Variants in CDH13 observed in about 807,000 individuals in gnomAD.
The protein encoded by CDH13 is cadherin 13, also known as cadherin-13.
Under a neutral mutation model 63.8 loss-of-function variants are expected in CDH13, and 24 were observed. That is an observed-to-expected ratio of 0.38 (90% CI 0.27 to 0.53). CDH13 has a LOEUF of 0.53. CDH13 is among the 20% of genes least tolerant of loss of function. The pLI is 0.85. For synonymous variants in CDH13, 503 were observed against 355.3 expected (o/e 1.42, Z -4.67); for missense variants, 1,049 against 903.1 (o/e 1.16, Z -2.07).
At chr16:82,899,002 C>T (rs1173859142) in intron 2 of CDH13, among the ~76,000 whole-genome samples, 2 of 152,194 alleles carry the variant, frequency 1.3e-5, no homozygotes. Context: ...CCCAAGAGGA[C>T]CAGCATTCAG....
chr16:82,923,870 A>C (rs1450144914), intron 2 of CDH13, among the ~76,000 whole-genome samples: 2 of 152,194 alleles, frequency 1.3e-5, no homozygotes, highest in Non-Finnish European at 1.5e-5. Flanking sequence ...CTAGGTTGGG[A>C]ATTGGGATCC....
intron 4 of CDH13, among the ~76,000 whole-genome samples, chr16:83,209,083 G>C (rs1401462136): frequency 6.6e-6 from 1 of 152,128 alleles, no homozygotes; most frequent in Non-Finnish European, 1.5e-5. Flanking sequence ...AGGAGACCTG[G>C]AGCCAGCGAT....
At chr16:83,400,535 T>C (rs1474085101) in intron 6 of CDH13, among the ~76,000 whole-genome samples, 1 of 152,208 alleles carries the variant, frequency 6.6e-6, no homozygotes, top group Non-Finnish European at 1.5e-5. Flanking sequence ...CCCAATGCTT[T>C]CAAGACATAG....
At chr16:83,589,767 A>G (rs1906556006) in intron 7 of CDH13, among the ~76,000 whole-genome samples, 1 of 152,090 alleles carries the variant, frequency 6.6e-6, no homozygotes, top group Non-Finnish European at 1.5e-5. Context: ...CTCAACCAAG[A>G]GAGAAACACT....
At chr16:82,971,923 G>C (rs1204749321) in intron 2 of CDH13, among the ~76,000 whole-genome samples, 1 of 152,188 alleles carries the variant, frequency 6.6e-6, no homozygotes. Context: ...GCTCAGAGGA[G>C]GATGACCTGT....
At chr16:83,538,568 G>C (rs1042919533) in intron 7 of CDH13, among the ~76,000 whole-genome samples, 4 of 152,198 alleles carry the variant, frequency 2.6e-5, no homozygotes, top group Non-Finnish European at 4.4e-5. Flanking sequence ...TAAAATAATA[G>C]GATGTCCTTG....
At chr16:82,851,136 G>A (rs2039463235) in intron 1 of CDH13, among the ~76,000 whole-genome samples, 1 of 152,078 alleles carries the variant, frequency 6.6e-6, no homozygotes, top group African/African-American at 2.4e-5. Context: ...TTCAAATTTT[G>A]TGTGAAAGCA....
At chr16:83,631,358 TTG>T (rs1910764006) in intron 8 of CDH13, among the ~76,000 whole-genome samples, 1 of 11,914 alleles carries the variant, frequency 8.4e-5, no homozygotes, top group South Asian at 3.9e-3. Context: ...GTTTGGTTTG[TTG>T]TTGTTTGTTC....
At chr16:83,308,476 T>G (rs6420380) in intron 5 of CDH13, among the ~76,000 whole-genome samples, 1 of 152,050 alleles carries the variant, frequency 6.6e-6, no homozygotes, top group Non-Finnish European at 1.5e-5. Context: ...AACTTGAGAA[T>G]TACATTTACT....
intron 3 of CDH13, among the ~76,000 whole-genome samples, chr16:83,046,769 G>A (rs1019659232): frequency 6.6e-6 from 1 of 152,172 alleles, no homozygotes; most frequent in African/African-American, 2.4e-5. Flanking sequence ...GCTGCCTTCA[G>A]TTGGCCTGAG....
At chr16:83,230,659 C>G (rs573586411) in intron 5 of CDH13, among the ~76,000 whole-genome samples, 154 of 152,186 alleles carry the variant, frequency 1.0e-3, no homozygotes, top group African/African-American at 3.5e-3. Context: ...TGGTGGCAAG[C>G]GCCTGTAGTC....
At chr16:82,801,635 G>A (rs2036859607) in intron 1 of CDH13, among the ~76,000 whole-genome samples, 1 of 152,172 alleles carries the variant, frequency 6.6e-6, no homozygotes, top group African/African-American at 2.4e-5. Context: ...TAGTCATTGA[G>A]GGAAGTACAA....
Position 83,521,717 on chromosome 16 carries a change from A to G in CDH13, c.960+35062A>G, listed in dbSNP as rs544938601. 1.8e-4 allele frequency among the ~76,000 whole-genome samples: 27 copies of G among 152,280 alleles called. No individual in the cohort carries two copies. The South Asian group carries it at 3.7e-3, about 21-fold the overall frequency. On this transcript the variant is annotated intron_variant, in intron 7 of 13. Coordinates refer to ENST00000567109, the MANE Select transcript of CDH13 (RefSeq NM_001257.5). ...ACATGAGTGGGTAATTCTTCCACCT[A>G]TGGGTTTTCCCATGGGATGCAACCT...
chr16:83,137,349 G>A (rs545045565), intron 4 of CDH13, among the ~76,000 whole-genome samples: 1 of 152,328 alleles, frequency 6.6e-6, no homozygotes, highest in African/African-American at 2.4e-5. Flanking sequence ...AATTGTCCCA[G>A]TTCTACCTGG....
chr16:82,947,861 ATGAG>A (rs1002776759), intron 2 of CDH13, among the ~76,000 whole-genome samples: 2 of 152,176 alleles, frequency 1.3e-5, no homozygotes, highest in African/African-American at 2.4e-5. Flanking sequence ...CCTGACAAGA[ATGAG>A]TGTCACAGGG....
chr16:83,536,302 G>T (rs901867400), intron 7 of CDH13, among the ~76,000 whole-genome samples: 2 of 152,168 alleles, frequency 1.3e-5, no homozygotes, highest in African/African-American at 4.8e-5. Context: ...AAGGTAAGAG[G>T]GGGAAGACCA....
chr16:82,895,602 A>G (rs888437187), intron 2 of CDH13, among the ~76,000 whole-genome samples: 13 of 152,190 alleles, frequency 8.5e-5, no homozygotes, highest in Non-Finnish European at 1.8e-4. Context: ...GATAAATGAC[A>G]TGCATTCACC....
intron 2 of CDH13, among the ~76,000 whole-genome samples, chr16:82,888,808 C>A (rs919388242): frequency 3.3e-5 from 5 of 152,194 alleles, no homozygotes; most frequent in Non-Finnish European, 7.3e-5. Context: ...TGGACCATTG[C>A]CATTTGCCTC....
chr16:83,255,649 T>A (rs969766752), intron 5 of CDH13, among the ~76,000 whole-genome samples: 1 of 152,192 alleles, frequency 6.6e-6, no homozygotes, highest in Non-Finnish European at 1.5e-5. Flanking sequence ...CTAGACCTGT[T>A]GTTTTCCTGG....
Sources: gnomAD v4.1 joint callset for allele counts (sites outside exome capture counted in the v4.1 genomes callset) on GRCh38, gnomAD v4.1.1 for gene constraint, MANE v1.5 for transcripts, NCBI Gene and HGNC (gene_info 2026-07-23, HGNC 2026-07-21) for gene names.